Variants in KIF26B observed in about 807,000 individuals in gnomAD.
The protein encoded by KIF26B is kinesin-like protein KIF26B.
Under a neutral mutation model 151.2 loss-of-function variants are expected in KIF26B, and 63 were observed. The observed-to-expected ratio is 0.42, with a 90% CI of 0.34 to 0.51. KIF26B has a LOEUF of 0.51. Among genes scored for constraint, KIF26B ranks in the 20% least tolerant of loss-of-function variants. The probability of loss-of-function intolerance (pLI) is 0.07; values close to 1 mark genes in which losing one functional copy is unlikely to be tolerated. For synonymous variants in KIF26B, 1,357 were observed against 1,262.1 expected, an observed-to-expected ratio of 1.08 and a Z score of -1.59; for missense variants, 2,813 against 2,913.6, an observed-to-expected ratio of 0.97 and a Z score of 0.79.
At chr1:245,521,038 G>A (rs1351229304) in intron 4 of KIF26B, among the ~76,000 whole-genome samples, 5 of 152,022 alleles carry the variant, frequency 3.3e-5, no homozygotes, top group Admixed American at 6.6e-5. Flanking sequence ...TGCTGTACCC[G>A]TTAAAAAGCA....
At chr1:245,472,439 G>A (rs989065982) in intron 4 of KIF26B, among the ~76,000 whole-genome samples, 1 of 152,066 alleles carries the variant, frequency 6.6e-6, no homozygotes, top group African/African-American at 2.4e-5. Context: ...TTTGAATTTT[G>A]GGGGGTTTGG....
chr1:245,180,245 T>C (rs1164111526), intron 2 of KIF26B, among the ~76,000 whole-genome samples: 1 of 152,232 alleles, frequency 6.6e-6, no homozygotes, highest in Non-Finnish European at 1.5e-5. Context: ...GAGACTCATG[T>C]ATCTTTCTCT....
chr1:245,245,159 G>A (rs1242530545), intron 2 of KIF26B, among the ~76,000 whole-genome samples: 3 of 152,150 alleles, frequency 2.0e-5, no homozygotes, highest in South Asian at 2.1e-4. Flanking sequence ...TGGAAGGTCT[G>A]AGGGTCTGCA....
rs555785891 is a variant in KIF26B, at chr1:245,540,701, C to G, written c.1167-66C>G. 6.3e-6 allele frequency: 9 copies of G among 1,435,222 alleles called. No individual in the cohort carries two copies. In the Admixed American group the frequency reaches 1.5e-4, roughly 24 times the overall value. 88.9% of individuals were successfully genotyped at this position (1,435,222 alleles called of 1,614,324 possible). On this transcript the variant is annotated intron_variant, in intron 4 of 14. Transcript: ENST00000407071. The surrounding 1 kb of genome is among the most constrained non-coding windows in gnomAD (Gnocchi z 4.6). The stretch of plus-strand genomic sequence containing the variant: ...GAACGAGGGGTTGTTTAAGAGAAAA[C>G]GAAGTAAGCCTAGCAGATCTGATCG...
At chr1:245,328,948 T>G (rs371659650) in intron 2 of KIF26B, among the ~76,000 whole-genome samples, 12 of 152,366 alleles carry the variant, frequency 7.9e-5, no homozygotes, top group Middle Eastern at 3.4e-3. Flanking sequence ...TGTGTTCTTA[T>G]TAGTATATTA....
chr1:245,626,990 T>C (rs1246930818), intron 9 of KIF26B, among the ~76,000 whole-genome samples: 2 of 152,214 alleles, frequency 1.3e-5, no homozygotes, highest in East Asian at 1.9e-4. Context: ...AAAGGGGATG[T>C]CCTTTCCCCA....
chr1:245,704,299 C>G lies in KIF26B; in HGVS notation c.*1693C>G, dbSNP rs551179376. 2 of 152,214 alleles carry G rather than the reference C, an allele frequency of 1.3e-5. No individual in the cohort carries two copies. The highest frequency in any genetic ancestry group is 4.1e-4 in the South Asian group (2 of 4,832). The allele number at this position is 152,214 out of a possible 1,614,324, so 9.4% of individuals were successfully genotyped here. ...AACTCAGCCCCAGCCACTCCCCAAG[C>G]GGGGAAAAAAACACTACGTTTCTTG... On this transcript the variant is annotated 3_prime_UTR_variant, in exon 15 of 15. Coordinates refer to ENST00000407071, the MANE Select transcript of KIF26B (RefSeq NM_018012.4).
At position 245,390,807 on chromosome 1, in the gene KIF26B, C is replaced by T. The variant is rs1201701510; in HGVS notation, c.999+23440C>T. On this transcript the variant is annotated intron_variant, in intron 3 of 14. Transcript: ENST00000407071. ...TGTTTATTAATCATAAAATTTTGGC[C>T]TAGCATGATGGTACATGCCTTTAGT... Among the ~76,000 whole-genome samples the T allele has an allele frequency of 2.0e-5, 3 of 150,562 alleles. No homozygotes were observed. The South Asian group carries it at 6.3e-4, about 32-fold the overall frequency.
intron 2 of KIF26B, among the ~76,000 whole-genome samples, chr1:245,192,097 G>A (rs1669119657): frequency 6.6e-6 from 1 of 151,992 alleles, no homozygotes; most frequent in African/African-American, 2.4e-5. Flanking sequence ...AGTATTTCCT[G>A]AAGCATTTAA....
In KIF26B at chr1:245,479,570, T is replaced by A. The variant is rs569711516; in HGVS notation, c.1166+59825T>A. On this transcript the variant is annotated intron_variant, in intron 4 of 14. Coordinates refer to ENST00000407071, the MANE Select transcript of KIF26B (RefSeq NM_018012.4). ...GAGGAATGGTTGTTTGGTTGAGACA[T>A]TTGCAAATAGTAAGCAGTCACCTTA... 2.7e-4 allele frequency among the ~76,000 whole-genome samples: 41 copies of A among 151,978 alleles called. 1 individual carries two copies. The highest frequency in any genetic ancestry group is 8.2e-4 in the African/African-American group (34 of 41,538).
chr1:245,456,467 C>T (rs1203079619), intron 4 of KIF26B, among the ~76,000 whole-genome samples: 1 of 152,198 alleles, frequency 6.6e-6, no homozygotes, highest in Non-Finnish European at 1.5e-5. Flanking sequence ...TTTCTGGAAC[C>T]CACTCCAATA....
At chr1:245,587,547 T>C (rs1314616189) in intron 5 of KIF26B, among the ~76,000 whole-genome samples, 3 of 152,208 alleles carry the variant, frequency 2.0e-5, no homozygotes, top group Non-Finnish European at 4.4e-5. Context: ...TCTGTATCCC[T>C]TGGGCTAGTT....
At chr1:245,600,178 A>G (rs918105037) in intron 5 of KIF26B, among the ~76,000 whole-genome samples, 1 of 123,682 alleles carries the variant, frequency 8.1e-6, no homozygotes, top group South Asian at 2.7e-4. Context: ...AGCTGGGACT[A>G]CAGGCGCCCG....
chr1:245,257,843 G>A (rs2103568449), intron 2 of KIF26B, among the ~76,000 whole-genome samples: 1 of 152,292 alleles, frequency 6.6e-6, no homozygotes, highest in South Asian at 2.1e-4. Context: ...CCAACATGGT[G>A]AAACCCCATC....
At chr1:245,558,173 C>T (rs1454209472) in intron 5 of KIF26B, among the ~76,000 whole-genome samples, 2 of 152,168 alleles carry the variant, frequency 1.3e-5, no homozygotes, top group Non-Finnish European at 2.9e-5. Context: ...ACCCTGCCTC[C>T]ATTCCAAACA....
At chr1:245,476,890 C>A (rs1323550262) in intron 4 of KIF26B, among the ~76,000 whole-genome samples, 1 of 151,644 alleles carries the variant, frequency 6.6e-6, no homozygotes, top group Non-Finnish European at 1.5e-5. Flanking sequence ...ATACATGCAC[C>A]CCCATAGTTC....
chr1:245,688,827 G>GCGT lies in KIF26B; in HGVS notation c.5824+20_5824+21insCGT. On this transcript the variant is annotated intron_variant, in intron 12 of 14. Coordinates refer to ENST00000407071, the MANE Select transcript of KIF26B (RefSeq NM_018012.4). ...ATCCAGGTAGGCGGCTGGGCGCAGGGACGCGGGTGAGGAGGGCGGCAGGTG... is the reference window on the plus strand; with the variant it reads ...ATCCAGGTAGGCGGCTGGGCGCAGGGCGTACGCGGGTGAGGAGGGCGGCAGGTG... The GCGT allele has an allele frequency of 1.3e-6, 2 of 1,548,498 alleles. No homozygotes were observed. The highest frequency in any genetic ancestry group is 1.7e-6 in the Non-Finnish European group (2 of 1,144,604).
chr1:245,172,344 A>G lies in KIF26B; in HGVS notation c.465+15661A>G, dbSNP rs1668728091. ...TTACAGGCCCCGCCTAAGAAGTGTC[A>G]TGGCTGGGAGGGAGTCGGAAGGGGT... On this transcript the variant is annotated intron_variant, in intron 2 of 14. Coordinates refer to ENST00000407071, the MANE Select transcript of KIF26B (RefSeq NM_018012.4). Among the ~76,000 whole-genome samples, 3 of 152,280 alleles carry G rather than the reference A, an allele frequency of 2.0e-5. No homozygotes were observed. In the South Asian group the frequency reaches 6.2e-4, roughly 32 times the overall value.
At chr1:245,491,818 G>C (rs1660414615) in intron 4 of KIF26B, among the ~76,000 whole-genome samples, 2 of 152,024 alleles carry the variant, frequency 1.3e-5, no homozygotes, top group Non-Finnish European at 2.9e-5. Flanking sequence ...TGAGGTGGGA[G>C]AACCACTTGA....
Sources: allele counts gnomAD v4.1 joint callset (sites outside exome capture counted in the v4.1 genomes callset), GRCh38; gene constraint gnomAD v4.1.1; non-coding constraint Gnocchi (gnomAD v3.1); transcripts MANE v1.5; gene names NCBI Gene and HGNC (gene_info 2026-07-23, HGNC 2026-07-21).